The following HMBOX1 variants were observed in gnomAD, a reference collection of about 807,000 sequenced individuals.
HMBOX1 encodes homeobox containing 1, also known as homeobox-containing protein 1.
A neutral mutation model predicts 54.5 loss-of-function variants in HMBOX1; 14 were observed. That is an observed-to-expected ratio of 0.26 (90% confidence interval 0.17 to 0.40). The LOEUF is 0.40. Ranked by LOEUF, HMBOX1 falls within the 10% of genes least tolerant of loss-of-function variation. HMBOX1 has a pLI of 1.00. For synonymous variants in HMBOX1, 160 were observed against 181.0 expected (o/e 0.88, Z 0.93); for missense variants, 332 against 514.4 (o/e 0.65, Z 3.43).
intron 4 of HMBOX1, among the ~76,000 whole-genome samples, chr8:28,992,850 A>G (rs1254813456): frequency 1.5e-5 from 2 of 135,324 alleles, no homozygotes; most frequent in Non-Finnish European, 3.1e-5. Context: ...AGCCTGGGTG[A>G]CAGTGCGAGA....
At chr8:28,899,215 T>G (rs1225652917) in intron 1 of HMBOX1, among the ~76,000 whole-genome samples, 1 of 152,192 alleles carries the variant, frequency 6.6e-6, no homozygotes, top group Non-Finnish European at 1.5e-5. Context: ...ACGTACTATC[T>G]CTACAGTTTG....
intron 6 of HMBOX1, among the ~76,000 whole-genome samples, chr8:29,026,022 A>G (rs1801963593): frequency 6.8e-6 from 1 of 146,294 alleles, no homozygotes; most frequent in Non-Finnish European, 1.5e-5. Context: ...ACTGTCCACA[A>G]ACTACCTACT....
At chr8:28,908,525 C>A (rs576310902) in intron 1 of HMBOX1, among the ~76,000 whole-genome samples, 1 of 152,156 alleles carries the variant, frequency 6.6e-6, no homozygotes, top group African/African-American at 2.4e-5. Flanking sequence ...GAGGCCAAGG[C>A]GGGCAGATCA....
chr8:28,988,958 CT>C (rs1830543698), intron 4 of HMBOX1, among the ~76,000 whole-genome samples: 1 of 151,712 alleles, frequency 6.6e-6, no homozygotes, highest in Non-Finnish European at 1.5e-5. Flanking sequence ...GTGGTTCTTG[CT>C]TTTTGTGTTC....
At chr8:28,913,643 C>A (rs1361497611) in intron 1 of HMBOX1, among the ~76,000 whole-genome samples, 1 of 152,166 alleles carries the variant, frequency 6.6e-6, no homozygotes, top group Non-Finnish European at 1.5e-5. Flanking sequence ...GGGTTAAGAA[C>A]CATGCATTTC....
chr8:29,017,719 A>C (rs954690476), intron 5 of HMBOX1, among the ~76,000 whole-genome samples: 24 of 152,216 alleles, frequency 1.6e-4, no homozygotes, highest in African/African-American at 5.8e-4. Context: ...CATTTTGGAC[A>C]TCTGTGTAAG....
At chr8:28,950,684 G>A (rs1057305623) in intron 1 of HMBOX1, among the ~76,000 whole-genome samples, 9 of 152,300 alleles carry the variant, frequency 5.9e-5, no homozygotes, top group African/African-American at 2.2e-4. Context: ...GAGTCAGTAC[G>A]TTAGAGGCAC....
At chr8:29,001,363 A>G (rs749246290) in intron 4 of HMBOX1, among the ~76,000 whole-genome samples, 53 of 152,200 alleles carry the variant, frequency 3.5e-4, no homozygotes, top group Non-Finnish European at 1.3e-4. Flanking sequence ...CAGCCTGGCC[A>G]ATGTGGCAAA....
chr8:28,977,424 T>C (rs995155667), intron 3 of HMBOX1, among the ~76,000 whole-genome samples: 3 of 152,226 alleles, frequency 2.0e-5, no homozygotes, highest in African/African-American at 7.2e-5. Flanking sequence ...TTTATAGTTA[T>C]ATTAGAAACC....
intron 5 of HMBOX1, among the ~76,000 whole-genome samples, chr8:29,012,578 A>G (rs1213978836): frequency 1.3e-5 from 2 of 152,242 alleles, no homozygotes; most frequent in East Asian, 3.8e-4. Flanking sequence ...CTAAGCATAG[A>G]AATCTCTGAA....
At chr8:29,039,137 A>G (rs951019872) in intron 6 of HMBOX1, among the ~76,000 whole-genome samples, 13 of 152,190 alleles carry the variant, frequency 8.5e-5, no homozygotes, top group African/African-American at 2.9e-4. Context: ...AATTTCTTTT[A>G]CAGTACTTCA....
chr8:29,013,559 T>C (rs180779008), intron 5 of HMBOX1, among the ~76,000 whole-genome samples: 1 of 152,250 alleles, frequency 6.6e-6, no homozygotes, highest in Admixed American at 6.5e-5. Context: ...TTAATTTTAC[T>C]GATAACCCGA....
intron 1 of HMBOX1, among the ~76,000 whole-genome samples, chr8:28,894,701 T>C (rs1244022317): frequency 6.6e-6 from 1 of 152,192 alleles, no homozygotes; most frequent in African/African-American, 2.4e-5. Context: ...TCAAACATAA[T>C]CCAGTGCTTT....
At chr8:29,050,894 A>G (rs1300253253) in intron 9 of HMBOX1, 124 bp from the exon 10 acceptor site, 1 of 824,100 alleles carries the variant, frequency 1.2e-6, no homozygotes, top group South Asian at 1.8e-5. Flanking sequence ...CCTCTATTTT[A>G]TCATGAGCCC....
At chr8:29,048,915 G>GT in intron 8 of HMBOX1, 39 bp from the exon 9 acceptor site, 1 of 1,374,880 alleles carries the variant, frequency 7.3e-7, no homozygotes, top group South Asian at 1.2e-5. Flanking sequence ...TTGTGATAAG[G>GT]TAACAGATAA....
chr8:29,006,277 G>A (rs923698810), intron 4 of HMBOX1, among the ~76,000 whole-genome samples: 2 of 152,118 alleles, frequency 1.3e-5, no homozygotes, highest in African/African-American at 4.8e-5. Context: ...ACAGGTGTGA[G>A]CCACTGCGCC....
chr8:28,941,109 G>A (rs895369806), intron 1 of HMBOX1, among the ~76,000 whole-genome samples: 1 of 151,982 alleles, frequency 6.6e-6, no homozygotes, highest in Non-Finnish European at 1.5e-5. Flanking sequence ...CCTAAGCCTA[G>A]TCCTCATATT....
At chr8:29,016,267 G>A (rs939125361) in intron 5 of HMBOX1, among the ~76,000 whole-genome samples, 1 of 151,988 alleles carries the variant, frequency 6.6e-6, no homozygotes, top group Non-Finnish European at 1.5e-5. Context: ...CCCATAAGAA[G>A]AATAACCCCC....
chr8:29,048,138 TA>T (rs1445666207), intron 8 of HMBOX1, among the ~76,000 whole-genome samples: 1 of 152,150 alleles, frequency 6.6e-6, no homozygotes, highest in Non-Finnish European at 1.5e-5. Context: ...ATGACTTAAA[TA>T]TTAGGAAACA....
Sources: gnomAD v4.1 joint callset for allele counts (sites outside exome capture counted in the v4.1 genomes callset) on GRCh38, gnomAD v4.1.1 for gene constraint, MANE v1.5 for transcripts, NCBI Gene and HGNC (gene_info 2026-07-23, HGNC 2026-07-21) for gene names.